Variants in SYT14 observed in about 807,000 individuals in gnomAD.
SYT14 encodes the protein synaptotagmin 14, also known as synaptotagmin-14.
In SYT14, 32 loss-of-function variants were observed where a neutral mutation model predicts 74.2. The observed-to-expected ratio is 0.43, with a 90% CI of 0.33 to 0.58. The LOEUF is 0.58. Ranked by LOEUF, SYT14 falls within the 20% of genes least tolerant of loss-of-function variation. The pLI is 0.05. For missense variants in SYT14, 791 were observed against 981.8 expected (o/e 0.81, Z 2.60); for synonymous variants, 298 against 337.7 (o/e 0.88, Z 1.29).
chr1:210,133,503 T>A (rs1350840829), intron 7 of SYT14, among the ~76,000 whole-genome samples: 1 of 152,210 alleles, frequency 6.6e-6, no homozygotes, highest in African/African-American at 2.4e-5. Context: ...CAGTAAATGC[T>A]TAAATCTGAT....
At chr1:209,942,191 T>A (rs1216168979) in intron 1 of SYT14, among the ~76,000 whole-genome samples, 1 of 152,180 alleles carries the variant, frequency 6.6e-6, no homozygotes, top group African/African-American at 2.4e-5. Context: ...AATTATGCCA[T>A]TGTCCAGAAG....
intron 2 of SYT14, among the ~76,000 whole-genome samples, chr1:210,008,370 T>TG (rs113864737): frequency 1.8e-3 from 273 of 152,130 alleles, no homozygotes; most frequent in African/African-American, 5.6e-3. Context: ...AATAGAATTT[T>TG]TTTTTTTCTT....
intron 2 of SYT14, among the ~76,000 whole-genome samples, chr1:209,966,222 A>G (rs915811887): frequency 1.9e-4 from 29 of 152,266 alleles, no homozygotes; most frequent in African/African-American, 6.0e-4. Context: ...CTTGTTGCCA[A>G]TACCAAAGTG....
At chr1:210,016,115 G>C in exon 4 of SYT14, 3 of 1,232,122 alleles carry the variant, frequency 2.4e-6, no homozygotes, top group Non-Finnish European at 3.0e-6. Flanking sequence ...GGTCAGCTAT[G>C]CTTTAACTGA....
intron 2 of SYT14, among the ~76,000 whole-genome samples, chr1:209,971,940 G>A (rs2079263072): frequency 1.3e-5 from 2 of 152,096 alleles, no homozygotes; most frequent in Admixed American, 1.3e-4. Flanking sequence ...TGTTTTTCTG[G>A]AATACATTCA....
chr1:210,056,300 G>T (rs897067813), intron 5 of SYT14, among the ~76,000 whole-genome samples: 13 of 151,774 alleles, frequency 8.6e-5, no homozygotes, highest in Non-Finnish European at 1.6e-4. Flanking sequence ...CCAACTAAAA[G>T]GTAATTGAGA....
At chr1:210,136,038 A>G (rs1406842390) in intron 7 of SYT14, among the ~76,000 whole-genome samples, 2 of 152,182 alleles carry the variant, frequency 1.3e-5, no homozygotes, top group South Asian at 2.1e-4. Flanking sequence ...AGACTTAAGC[A>G]TATTTAAATA....
intron 5 of SYT14, among the ~76,000 whole-genome samples, chr1:210,031,392 T>G (rs1327285945): frequency 6.6e-6 from 1 of 152,114 alleles, no homozygotes; most frequent in Non-Finnish European, 1.5e-5. Flanking sequence ...TTTTCTTTTC[T>G]TGTAATGTCT....
exon 4 of SYT14, chr1:210,016,466 A>T: frequency 8.1e-7 from 1 of 1,232,092 alleles, no homozygotes; most frequent in Non-Finnish European, 1.0e-6. Context: ...GATATCAGTT[A>T]TCAGACAGAA....
chr1:210,160,253 T>C (rs1016716557), intron 9 of SYT14, among the ~76,000 whole-genome samples: 1 of 152,218 alleles, frequency 6.6e-6, no homozygotes, highest in African/African-American at 2.4e-5. Flanking sequence ...CTCTTTTCTC[T>C]TCACCATTTG....
rs1336582511 is a variant in SYT14 at position 210,058,773 on chromosome 1, TC to T, written c.1313-35547del. On this transcript the variant is annotated intron_variant, in intron 5 of 9. Transcript: ENST00000637265. Reference sequence around the variant, plus strand: ...TCTCAGCAATTTCTGCTATTCCTGTTCCTTACCCCAACACATCAGAGTAATT... The same window carrying T: ...TCTCAGCAATTTCTGCTATTCCTGTTCTTACCCCAACACATCAGAGTAATT... Among the ~76,000 whole-genome samples, 5 of 152,280 alleles carry T rather than the reference TC, an allele frequency of 3.3e-5. No homozygotes were observed. The East Asian group carries it at 9.7e-4, about 29-fold the overall frequency.
intron 5 of SYT14, among the ~76,000 whole-genome samples, chr1:210,035,225 G>A (rs919832396): frequency 1.3e-5 from 2 of 151,718 alleles, no homozygotes; most frequent in Non-Finnish European, 3.0e-5. Context: ...TGCAAAATGT[G>A]TATTCATTTC....
chr1:209,945,679 C>G (rs1275256013), intron 1 of SYT14, among the ~76,000 whole-genome samples: 2 of 152,038 alleles, frequency 1.3e-5, no homozygotes, highest in Non-Finnish European at 2.9e-5. Context: ...ATAAGTAGAA[C>G]CTGTAAATTG....
At position 210,022,120 on chromosome 1, in the gene SYT14, C is replaced by T. The variant is rs72649936; in HGVS notation, c.1312+866C>T. ...TATCATTTTTATCATTATACATAAA[C>T]ACAAGCTATCCTTGATTTTGTAGCT... On this transcript the variant is annotated intron_variant, in intron 5 of 9. Coordinates refer to ENST00000637265, the Ensembl canonical transcript of SYT14. Among the ~76,000 whole-genome samples, 2,364 of 152,182 alleles carry T rather than the reference C, an allele frequency of 0.016. 186 individuals carry two copies. In the East Asian group the frequency reaches 0.25, roughly 16 times the overall value.
At chr1:210,155,721 G>C (rs770667011) in exon 8 of SYT14, 1 of 1,613,830 alleles carries the variant, frequency 6.2e-7, no homozygotes, top group South Asian at 1.1e-5. Flanking sequence ...TTGATTACAG[G>C]GCTGTGACTC....
At chr1:210,065,969 G>A (rs1351210632) in intron 5 of SYT14, among the ~76,000 whole-genome samples, 8 of 151,058 alleles carry the variant, frequency 5.3e-5, no homozygotes, top group African/African-American at 1.5e-4. Context: ...GAGTGAGAAC[G>A]TGTGGCGTTT....
At chr1:210,152,470 A>G (rs1384549846) in intron 7 of SYT14, among the ~76,000 whole-genome samples, 2 of 152,182 alleles carry the variant, frequency 1.3e-5, no homozygotes, top group Non-Finnish European at 2.9e-5. Context: ...GAATCTTCAA[A>G]GAAAGTTCTG....
chr1:209,956,959 C>T (rs938086211), intron 2 of SYT14, among the ~76,000 whole-genome samples: 6 of 151,586 alleles, frequency 4.0e-5, no homozygotes, highest in African/African-American at 1.5e-4. Flanking sequence ...TTTCATTTCC[C>T]CTTCACCACC....
chr1:210,092,342 G>A lies in SYT14; in HGVS notation c.1313-1980G>A, dbSNP rs1227591202. On this transcript the variant is annotated intron_variant, in intron 5 of 9. Coordinates refer to ENST00000637265, the Ensembl canonical transcript of SYT14. ...CTGCTGCTACTCCTCCAAGAGGGAA[G>A]CAGGCGAAAGGCAAAGGGACAAAGG... is the stretch of plus-strand genomic sequence containing the variant. Among the ~76,000 whole-genome samples the A allele has an allele frequency of 2.0e-5, 3 of 152,160 alleles. No homozygotes were observed. The East Asian group carries it at 5.8e-4, about 29-fold the overall frequency.
Sources: allele counts gnomAD v4.1 joint callset (sites outside exome capture counted in the v4.1 genomes callset), GRCh38; gene constraint gnomAD v4.1.1; transcripts MANE v1.5; gene names NCBI Gene and HGNC (gene_info 2026-07-23, HGNC 2026-07-21).